UBASH3A: variants seen among roughly 807,000 people sequenced by gnomAD.
The protein encoded by UBASH3A is ubiquitin-associated and SH3 domain-containing protein A.
A neutral mutation model predicts 73.5 loss-of-function variants in UBASH3A; 63 were observed. That is an observed-to-expected ratio of 0.86 (90% CI 0.70 to 1.06). The LOEUF (loss-of-function observed/expected upper bound fraction) is 1.06. Among genes scored for constraint, UBASH3A ranks in the 50% least tolerant of loss-of-function variants. The pLI is 0.00. For synonymous variants in UBASH3A, 363 were observed against 351.1 expected, an observed-to-expected ratio of 1.03 and a Z score of -0.38; for missense variants, 860 against 859.0, an observed-to-expected ratio of 1.00 and a Z score of -0.02.
chr21:42,412,907 A>C, intron 3 of UBASH3A, 117 bp from the exon 4 acceptor site: 1 of 869,916 alleles, frequency 1.1e-6, no homozygotes, highest in Non-Finnish European at 1.8e-6. Context: ...ATTATGTTAC[A>C]GCGCTTTGAA....
chr21:42,443,834 A>AC (rs1390517330), intron 13 of UBASH3A, among the ~76,000 whole-genome samples: 10 of 152,134 alleles, frequency 6.6e-5, no homozygotes, highest in Non-Finnish European at 1.5e-4. Context: ...AGGCCCTGGA[A>AC]CCCCCCATCC....
chr21:42,440,415 T>C (rs1031627556), intron 11 of UBASH3A, among the ~76,000 whole-genome samples: 22 of 152,216 alleles, frequency 1.4e-4, no homozygotes, highest in African/African-American at 5.1e-4. Flanking sequence ...GTATTTATAA[T>C]TAACCAAACA....
At chr21:42,409,644 A>G in intron 3 of UBASH3A, 36 bp downstream of exon 3, 1 of 1,577,878 alleles carries the variant, frequency 6.3e-7, no homozygotes, top group South Asian at 1.2e-5. Flanking sequence ...TGCTCACGGC[A>G]GCTGGAGGCA....
At chr21:42,412,570 T>C (rs112971184) in intron 3 of UBASH3A, among the ~76,000 whole-genome samples, 18,454 of 152,148 alleles carry the variant, frequency 0.12, 1,348 homozygotes, top group East Asian at 0.16. Context: ...GAAGAGAGGG[T>C]GGCCCCGCAG....
intron 3 of UBASH3A, among the ~76,000 whole-genome samples, chr21:42,412,515 G>A (rs1416469958): frequency 6.6e-6 from 1 of 152,186 alleles, no homozygotes; most frequent in Non-Finnish European, 1.5e-5. Context: ...GAGCCTCAGT[G>A]CCTTAGAGGA....
rs2053137904 is a variant in UBASH3A at position 42,413,242 on chromosome 21, T to C, written c.553+20T>C. 1.9e-6 allele frequency: 3 copies of C among 1,613,264 alleles called. No homozygotes were observed. The highest frequency in any genetic ancestry group is 1.7e-4 in the Middle Eastern group (1 of 6,028). On this transcript the variant is annotated intron_variant, in intron 4 of 14. Coordinates refer to ENST00000319294, the MANE Select transcript of UBASH3A (RefSeq NM_018961.4). The surrounding 1 kb of genome is among the most constrained non-coding windows in gnomAD (Gnocchi z 4.5). Reference sequence around the variant, plus strand: ...TAGCAGGTGGGCAGCCCTGGCCAGTTGCAAACACAGGGCTGGATTCACAGT... The same window carrying C: ...TAGCAGGTGGGCAGCCCTGGCCAGTCGCAAACACAGGGCTGGATTCACAGT...
intron 7 of UBASH3A, 138 bp downstream of exon 7, chr21:42,418,747 G>T: frequency 2.6e-6 from 2 of 766,832 alleles, no homozygotes; most frequent in South Asian, 3.5e-5. Flanking sequence ...AATTATTCCT[G>T]CAGGTATATA....
rs1043783154 is a variant in UBASH3A at position 42,410,261 on chromosome 21, G to A, written c.354+653G>A. ...CAGGAGAAAAGAAGGAGAAGGGAGAGACAGACAGCCACTGCTCTACTCAGC... is the reference window on the plus strand; with the variant it reads ...CAGGAGAAAAGAAGGAGAAGGGAGAAACAGACAGCCACTGCTCTACTCAGC... On this transcript the variant is annotated intron_variant, in intron 3 of 14. Transcript: ENST00000319294. The A allele has an allele frequency of 2.1e-5, 14 of 679,562 alleles. No homozygotes were observed. The African/African-American group carries it at 2.3e-4, about 11-fold the overall frequency. The allele number at this position is 679,562 out of a possible 1,614,324, so 42.1% of individuals were successfully genotyped here. A position where few individuals can be genotyped will look rare whatever the true frequency, so the allele number is the denominator to read the frequency against.
At chr21:42,426,655 T>C (rs748841585) in intron 7 of UBASH3A, 42 bp from the exon 8 acceptor site, 2 of 1,605,830 alleles carry the variant, frequency 1.2e-6, no homozygotes, top group South Asian at 1.1e-5. Flanking sequence ...GGCAACAACA[T>C]GGTCTCACTT....
chr21:42,414,469 C>T (rs185051578), intron 5 of UBASH3A, among the ~76,000 whole-genome samples: 2 of 152,352 alleles, frequency 1.3e-5, no homozygotes, highest in Non-Finnish European at 2.9e-5. Flanking sequence ...GAAGGGCCTG[C>T]CCAAGGTCCT....
chr21:42,415,601 T>C (rs201587867), intron 5 of UBASH3A, among the ~76,000 whole-genome samples: 3 of 152,098 alleles, frequency 2.0e-5, no homozygotes, highest in East Asian at 1.9e-4. Context: ...CGACACGGCG[T>C]CTCTAGCAGG....
chr21:42,407,003 GT>G (rs527726817), intron 2 of UBASH3A, among the ~76,000 whole-genome samples: 114 of 152,302 alleles, frequency 7.5e-4, no homozygotes, highest in Non-Finnish European at 1.4e-3. Context: ...TTTACTGGTG[GT>G]CATGAAGCCA....
intron 2 of UBASH3A, among the ~76,000 whole-genome samples, chr21:42,407,279 G>A (rs2052996678): frequency 6.6e-6 from 1 of 152,186 alleles, no homozygotes; most frequent in Non-Finnish European, 1.5e-5. Flanking sequence ...GGAGGCTGGA[G>A]TGTCCTCTCC....
rs568565228 is a variant in UBASH3A, at chr21:42,427,135, C to G, written c.1170+315C>G. ...GAGCCAAGAGGTCCCCAAGACGTCACCTGCCCCGGTGCCTTGGCCCCTCAT... is the reference window on the plus strand; with the variant it reads ...GAGCCAAGAGGTCCCCAAGACGTCAGCTGCCCCGGTGCCTTGGCCCCTCAT... On this transcript the variant is annotated intron_variant, in intron 8 of 14. Coordinates refer to ENST00000319294, the MANE Select transcript of UBASH3A (RefSeq NM_018961.4). Among the ~76,000 whole-genome samples the G allele has an allele frequency of 1.1e-4, 17 of 152,292 alleles. No individual in the cohort carries two copies. The South Asian group carries it at 3.3e-3, about 30-fold the overall frequency.
chr21:42,447,137 C>A lies in UBASH3A; in HGVS notation c.1929C>A (p.Thr643=), dbSNP rs1412499991. The A allele has an allele frequency of 1.2e-6, 2 of 1,613,960 alleles. No homozygotes were observed. Among genetic ancestry groups the A allele is most frequent in the Non-Finnish European group, 1.7e-6 (2 of 1,179,972 alleles). Residue 643 remains threonine (T), a synonymous_variant, in exon 15 of 15, where the codon ACC becomes ACA. Transcript: ENST00000319294. The part of the protein sequence containing the change: ...KWELVNPPVK[T]LTHGANAAFN... ...AGTTGGTGAACCCACCGGTGAAGAC[C>A]CTGACCCACGGGGCGAACGCAGCAT...
Position 42,409,544 on chromosome 21 carries a change from G to A in UBASH3A, c.290G>A (p.Arg97His), listed in dbSNP as rs201568669. 179 of 1,613,980 alleles carry A rather than the reference G, an allele frequency of 1.1e-4. No individual in the cohort carries two copies. The highest frequency in any genetic ancestry group is 1.3e-4 in the Admixed American group (8 of 59,990). Residue 97 changes from arginine to histidine, a missense_variant, in exon 3 of 15, where the codon CGC becomes CAC. Transcript: ENST00000319294. Reference sequence around the variant, plus strand: ...CAAGAGTTCTGGAGAGAGAGCAAGCGCCAGTGTGCAAAGAACAGAGCTCAT... The same window carrying A: ...CAAGAGTTCTGGAGAGAGAGCAAGCACCAGTGTGCAAAGAACAGAGCTCAT... ...KLQEFWRESK[R>H]QCAKNRAHEV... is the part of the protein sequence containing the mutation.
intron 10 of UBASH3A, 116 bp from the exon 11 acceptor site, chr21:42,437,372 G>T (rs1001181765): frequency 3.6e-6 from 3 of 824,096 alleles, no homozygotes; most frequent in African/African-American, 3.4e-5. Flanking sequence ...CACACCAGGG[G>T]GTGGAAACCC....
intron 9 of UBASH3A, among the ~76,000 whole-genome samples, chr21:42,432,920 A>G (rs1274048746): frequency 1.3e-5 from 2 of 152,272 alleles, no homozygotes; most frequent in Non-Finnish European, 2.9e-5. Flanking sequence ...TTAAAGCAAC[A>G]ATAAGACAAT....
intron 8 of UBASH3A, among the ~76,000 whole-genome samples, chr21:42,428,945 C>A (rs11912007): frequency 1.3e-5 from 2 of 152,038 alleles, no homozygotes; most frequent in African/African-American, 4.8e-5. Flanking sequence ...GTGCATGTGA[C>A]CTTATTAGGA....
Sources: allele counts gnomAD v4.1 joint callset (sites outside exome capture counted in the v4.1 genomes callset), GRCh38; gene constraint gnomAD v4.1.1; non-coding constraint Gnocchi (gnomAD v3.1); transcripts MANE v1.5; gene names NCBI Gene and HGNC (gene_info 2026-07-23, HGNC 2026-07-21).